The following LUZP2 variants were observed in gnomAD, a reference collection of about 807,000 sequenced individuals.
The protein encoded by LUZP2 is leucine zipper protein 2.
In LUZP2, 52 loss-of-function variants were observed where a neutral mutation model predicts 51.6. The observed-to-expected ratio is 1.01, with a 90% CI of 0.81 to 1.27. The LOEUF (loss-of-function observed/expected upper bound fraction) is 1.27, where lower values mean the gene tolerates loss of function less well. Ranked by LOEUF, LUZP2 falls within the 50% of genes most tolerant of loss-of-function variation. The pLI is 0.00. For missense variants in LUZP2, 436 were observed against 395.4 expected, an observed-to-expected ratio of 1.10 and a Z score of -0.87; for synonymous variants, 154 against 137.3, an observed-to-expected ratio of 1.12 and a Z score of -0.85.
intron 7 of LUZP2, among the ~76,000 whole-genome samples, chr11:24,960,694 C>T (rs1236451192): frequency 1.3e-5 from 2 of 152,130 alleles, no homozygotes; most frequent in Admixed American, 1.3e-4. Context: ...TTTCAAAAAA[C>T]CAGCTCCTGG....
chr11:24,663,847 T>C (rs1264706323), intron 1 of LUZP2, among the ~76,000 whole-genome samples: 2 of 152,212 alleles, frequency 1.3e-5, no homozygotes, highest in Non-Finnish European at 2.9e-5. Flanking sequence ...CTCATTCTTG[T>C]CTTTCCTGAT....
chr11:24,628,997 T>C (rs553130947), intron 1 of LUZP2, among the ~76,000 whole-genome samples: 1 of 152,238 alleles, frequency 6.6e-6, no homozygotes, highest in East Asian at 1.9e-4. Flanking sequence ...TATGGTATAT[T>C]ATATATAAAA....
intron 1 of LUZP2, among the ~76,000 whole-genome samples, chr11:24,617,506 G>A (rs1003356035): frequency 2.0e-5 from 3 of 152,074 alleles, no homozygotes; most frequent in East Asian, 1.9e-4. Context: ...TTCTTAGTAC[G>A]ATAGTGATTT....
intron 1 of LUZP2, among the ~76,000 whole-genome samples, chr11:24,602,583 A>G (rs1191363648): frequency 1.3e-5 from 2 of 151,602 alleles, no homozygotes; most frequent in Non-Finnish European, 3.0e-5. Flanking sequence ...TGTCTCACAA[A>G]TGCTTTATTT....
chr11:24,883,073 A>C lies in LUZP2; in HGVS notation c.397-22918A>C, dbSNP rs559675756. Among the ~76,000 whole-genome samples, 6 of 152,140 alleles carry C rather than the reference A, an allele frequency of 3.9e-5. No individual in the cohort carries two copies. In the South Asian group the frequency reaches 1.2e-3, roughly 32 times the overall value. On this transcript the variant is annotated intron_variant, in intron 5 of 11. Transcript: ENST00000336930. ...TCTAAGACCAGTGGGAAAATATCTC[A>C]AGGATGATCAACTATGTCAAATGCT...
rs544904704 is a variant in LUZP2, at chr11:25,043,511, G to A, written c.766-6527G>A. Among the ~76,000 whole-genome samples the A allele has an allele frequency of 3.3e-5, 5 of 151,594 alleles. No homozygotes were observed. In the South Asian group the frequency reaches 1.0e-3, roughly 32 times the overall value. ...AAGCAAAAAGCACACTGCGATTTAGGTACTTTTTACATCATGTGACAGAGC... is the reference window on the plus strand; with the variant it reads ...AAGCAAAAAGCACACTGCGATTTAGATACTTTTTACATCATGTGACAGAGC... On this transcript the variant is annotated intron_variant, in intron 9 of 11. Transcript: ENST00000336930.
chr11:24,877,628 C>A (rs1283443184), intron 5 of LUZP2, among the ~76,000 whole-genome samples: 2 of 152,004 alleles, frequency 1.3e-5, no homozygotes, highest in African/African-American at 4.8e-5. Flanking sequence ...TTAAAATGTA[C>A]AATTAATTTA....
intron 7 of LUZP2, among the ~76,000 whole-genome samples, chr11:24,974,991 C>T (rs573177804): frequency 6.6e-6 from 1 of 151,974 alleles, no homozygotes; most frequent in Non-Finnish European, 1.5e-5. Flanking sequence ...TGAAGTATGA[C>T]TCTAGAGATC....
At position 25,080,576 on chromosome 11, in the gene LUZP2, C is replaced by T. The variant is rs1859435150; in HGVS notation, c.*1918C>T. The T allele has an allele frequency of 6.6e-6, 1 of 152,164 alleles. No homozygotes were observed. The highest frequency in any genetic ancestry group is 2.1e-4 in the South Asian group (1 of 4,824). The allele number at this position is 152,164 out of a possible 1,614,324, so 9.4% of individuals were successfully genotyped here. On this transcript the variant is annotated 3_prime_UTR_variant, in exon 12 of 12. Coordinates refer to ENST00000336930, the MANE Select transcript of LUZP2 (RefSeq NM_001009909.4). ...GATGAAGGTCTGAGGTTTCTTCTGA[C>T]TCCTTCATATTTCTAAAAATAATCA...
chr11:25,060,994 A>G (rs1858818560), intron 10 of LUZP2, among the ~76,000 whole-genome samples: 1 of 152,164 alleles, frequency 6.6e-6, no homozygotes, highest in South Asian at 2.1e-4. Flanking sequence ...AAAATTTAAC[A>G]TTGGCAATTT....
At chr11:24,652,329 G>C (rs955990739) in intron 1 of LUZP2, among the ~76,000 whole-genome samples, 6 of 152,066 alleles carry the variant, frequency 3.9e-5, no homozygotes, top group African/African-American at 1.4e-4. Flanking sequence ...AATTTAAGAA[G>C]ATACGTGTTA....
rs1849578316 is a variant in LUZP2 at position 24,797,472 on chromosome 11, C to G, written c.396+34164C>G. 3.3e-5 allele frequency among the ~76,000 whole-genome samples: 5 copies of G among 152,278 alleles called. No individual in the cohort carries two copies. The South Asian group carries it at 1.0e-3, about 32-fold the overall frequency. ...AATTTTGCAAGGGACATAATTATCCCTCCCATTTCACATGTGAAGAAACTG... is the reference window on the plus strand; with the variant it reads ...AATTTTGCAAGGGACATAATTATCCGTCCCATTTCACATGTGAAGAAACTG... On this transcript the variant is annotated intron_variant, in intron 5 of 11. Transcript: ENST00000336930.
chr11:24,696,724 G>A (rs1328652099), intron 1 of LUZP2, among the ~76,000 whole-genome samples: 2 of 151,962 alleles, frequency 1.3e-5, no homozygotes, highest in African/African-American at 2.4e-5. Flanking sequence ...AGGTTTGATA[G>A]GTTTTTTGAA....
intron 9 of LUZP2, among the ~76,000 whole-genome samples, chr11:25,020,608 T>C (rs931917179): frequency 2.6e-5 from 4 of 152,126 alleles, no homozygotes; most frequent in African/African-American, 4.8e-5. Context: ...TAGCAATAAA[T>C]TGATTCTGTT....
chr11:24,643,252 T>TCC (rs1855356874), intron 1 of LUZP2, among the ~76,000 whole-genome samples: 4 of 16,644 alleles, frequency 2.4e-4, no homozygotes, highest in Non-Finnish European at 2.5e-4. Context: ...GTACTAAAAG[T>TCC]ACAAAAAAAA....
chr11:24,628,333 C>G, intron 1 of LUZP2, among the ~76,000 whole-genome samples: 1 of 151,916 alleles, frequency 6.6e-6, no homozygotes, highest in East Asian at 1.9e-4. Context: ...CAAAACATTG[C>G]AAAAATGTAA....
chr11:24,583,122 T>C (rs1852932563), intron 1 of LUZP2, among the ~76,000 whole-genome samples: 1 of 152,160 alleles, frequency 6.6e-6, no homozygotes, highest in African/African-American at 2.4e-5. Context: ...TTTGTAATGA[T>C]TTACATATAA....
chr11:24,627,602 G>C (rs1007554054), intron 1 of LUZP2, among the ~76,000 whole-genome samples: 1 of 152,188 alleles, frequency 6.6e-6, no homozygotes, highest in Non-Finnish European at 1.5e-5. Context: ...ATGAAATCCA[G>C]ATATTCGCTT....
chr11:24,729,241 G>A lies in LUZP2; in HGVS notation c.135G>A (p.Leu45=). The stretch of plus-strand genomic sequence containing the variant: ...AGCGAAGCACCATTCTTCGTCAGCT[G>A]ACAAAGACATCAAGAGAACTTGATG... The part of the protein sequence containing the change: ...FKERSTILRQ[L]TKTSRELDGI... The change falls in exon 2 of 12, where the codon CTG becomes CTA. Residue 45 remains leucine (L), a synonymous_variant. Transcript: ENST00000336930. 4 of 1,576,748 alleles carry A rather than the reference G, an allele frequency of 2.5e-6. No homozygotes were observed. The highest frequency in any genetic ancestry group is 3.5e-6 in the Non-Finnish European group (4 of 1,155,250).
Sources: allele counts gnomAD v4.1 joint callset (sites outside exome capture counted in the v4.1 genomes callset), GRCh38; gene constraint gnomAD v4.1.1; transcripts MANE v1.5; gene names NCBI Gene and HGNC (gene_info 2026-07-23, HGNC 2026-07-21).